The following TMEM132D variants were observed in gnomAD, a reference collection of about 807,000 sequenced individuals.
TMEM132D encodes transmembrane protein 132D.
In TMEM132D, 21 loss-of-function variants were observed where a neutral mutation model predicts 62.3. The ratio of observed to expected loss-of-function variants is 0.34; its 90% CI spans 0.24 to 0.49. The LOEUF is 0.49. Among genes scored for constraint, TMEM132D ranks in the 20% least tolerant of loss-of-function variants. TMEM132D has a pLI of 0.99. For missense variants in TMEM132D, 1,346 were observed against 1,402.8 expected (o/e 0.96, Z 0.65); for synonymous variants, 621 against 575.6 (o/e 1.08, Z -1.13).
At chr12:129,811,395 A>G (rs574246494) in intron 1 of TMEM132D, among the ~76,000 whole-genome samples, 1 of 151,422 alleles carries the variant, frequency 6.6e-6, no homozygotes, top group Non-Finnish European at 1.5e-5. Context: ...TCACTACCCA[A>G]TGCTTGAAGT....
At chr12:129,123,746 C>T (rs1876131863) in intron 5 of TMEM132D, among the ~76,000 whole-genome samples, 1 of 152,176 alleles carries the variant, frequency 6.6e-6, no homozygotes, top group Admixed American at 6.5e-5. Context: ...GGGCCTCATC[C>T]AGTCTGTTGG....
rs766484835 is a variant in TMEM132D at position 129,074,189 on chromosome 12, C to T, written c.2986G>A (p.Asp996Asn). The T allele has an allele frequency of 2.5e-6, 4 of 1,613,842 alleles. No homozygotes were observed. The Admixed American group carries it at 6.7e-5, about 27-fold the overall frequency. The part of the protein sequence containing the change: ...EQITAIDRGM[D>N]FEESKYLLST... Reference sequence around the variant, plus strand: ...AGGAGATATTTACTTTCCTCGAAATCCATGCCCCTGTCAATGGCAGTGATT... The same window carrying T: ...AGGAGATATTTACTTTCCTCGAAATTCATGCCCCTGTCAATGGCAGTGATT... The change falls in exon 9 of 9, where the codon GAT (aspartate) becomes AAT (asparagine). Residue 996 changes from aspartate to asparagine, a missense_variant. Asp to Asn is a conservative substitution (Grantham distance 23). Coordinates refer to ENST00000422113, the MANE Select transcript of TMEM132D (RefSeq NM_133448.3).
chr12:129,360,098 A>T (rs543360030), intron 3 of TMEM132D, among the ~76,000 whole-genome samples: 2 of 152,224 alleles, frequency 1.3e-5, no homozygotes, highest in East Asian at 3.9e-4. Context: ...ACAATTCTTC[A>T]TGATATGAAA....
At chr12:129,901,102 T>A (rs922214390) in intron 1 of TMEM132D, among the ~76,000 whole-genome samples, 3 of 152,216 alleles carry the variant, frequency 2.0e-5, no homozygotes, top group African/African-American at 4.8e-5. Context: ...TGGAAACAGA[T>A]ATTTAATACT....
chr12:129,619,107 T>C (rs1286774426), intron 2 of TMEM132D, among the ~76,000 whole-genome samples: 2 of 152,194 alleles, frequency 1.3e-5, no homozygotes, highest in Non-Finnish European at 2.9e-5. Context: ...ATGTTTCTTA[T>C]CAGACTTAAG....
intron 4 of TMEM132D, among the ~76,000 whole-genome samples, chr12:129,244,615 G>A (rs927642928): frequency 6.6e-6 from 1 of 151,386 alleles, no homozygotes; most frequent in Non-Finnish European, 1.5e-5. Context: ...ATGTTTGTTT[G>A]TTTTTTGTTT....
intron 3 of TMEM132D, among the ~76,000 whole-genome samples, chr12:129,475,483 G>A (rs1451057430): frequency 2.0e-5 from 3 of 152,206 alleles, no homozygotes; most frequent in Non-Finnish European, 4.4e-5. Context: ...AGAAAATAAA[G>A]GAGTCAGGTC....
At chr12:129,599,502 T>C (rs558625641) in intron 2 of TMEM132D, among the ~76,000 whole-genome samples, 1 of 152,348 alleles carries the variant, frequency 6.6e-6, no homozygotes, top group Non-Finnish European at 1.5e-5. Flanking sequence ...TCAGAATTTA[T>C]AATTGCTTTG....
At chr12:129,643,295 C>T (rs1879689708) in intron 2 of TMEM132D, among the ~76,000 whole-genome samples, 2 of 152,128 alleles carry the variant, frequency 1.3e-5, no homozygotes, top group South Asian at 4.1e-4. Flanking sequence ...GTGGCCCCAT[C>T]TAAAATCATG....
chr12:129,728,946 T>G (rs1869127877), intron 1 of TMEM132D, among the ~76,000 whole-genome samples: 1 of 152,212 alleles, frequency 6.6e-6, no homozygotes, highest in Non-Finnish European at 1.5e-5. Context: ...CCAAAGCTTG[T>G]TTTATCTGAC....
rs1216715076 is a variant in TMEM132D, at chr12:129,209,600, C to A, written c.1363G>T (p.Val455Phe). The A allele has an allele frequency of 1.2e-6, 2 of 1,614,086 alleles. No individual in the cohort carries two copies. Among genetic ancestry groups the A allele is most frequent in the Non-Finnish European group, 8.5e-7 (1 of 1,180,036 alleles). The change falls in exon 5 of 9, where the codon GTC (valine) becomes TTC (phenylalanine). Residue 455 changes from valine (V) to phenylalanine (F), a missense_variant. By Grantham distance (50) the Val-to-Phe change is conservative (BLOSUM62 -1). Coordinates refer to ENST00000422113, the MANE Select transcript of TMEM132D (RefSeq NM_133448.3). ...GKTVAVPVKV[V>F]SVEDDGTVTE... is the part of the protein sequence containing the mutation. ...ACTGTGCCGTCGTCCTCCACGGAGA[C>A]CACTTTCACCGGGACGGCCACCGTC...
chr12:129,726,061 G>A (rs1266171203), intron 1 of TMEM132D, among the ~76,000 whole-genome samples: 3 of 152,184 alleles, frequency 2.0e-5, no homozygotes, highest in South Asian at 4.1e-4. Context: ...CCTCTGATGA[G>A]CTTCCCTGAT....
intron 3 of TMEM132D, among the ~76,000 whole-genome samples, chr12:129,505,069 T>C (rs1043484909): frequency 2.6e-5 from 4 of 152,224 alleles, no homozygotes; most frequent in African/African-American, 9.7e-5. Flanking sequence ...CACTGTGGTC[T>C]GAGAGAGTGA....
At chr12:129,515,413 T>C (rs1875644200) in intron 3 of TMEM132D, among the ~76,000 whole-genome samples, 1 of 152,210 alleles carries the variant, frequency 6.6e-6, no homozygotes, top group African/African-American at 2.4e-5. Context: ...CCAATGTGAT[T>C]GAAAGTTGAC....
At chr12:129,211,655 T>C (rs991418260) in intron 4 of TMEM132D, among the ~76,000 whole-genome samples, 6 of 152,222 alleles carry the variant, frequency 3.9e-5, no homozygotes, top group Non-Finnish European at 8.8e-5. Context: ...GCAATACATA[T>C]ATTATTCATT....
intron 5 of TMEM132D, among the ~76,000 whole-genome samples, chr12:129,157,878 T>C (rs1192011449): frequency 6.6e-6 from 1 of 152,194 alleles, no homozygotes; most frequent in Non-Finnish European, 1.5e-5. Flanking sequence ...TATTCTCTAT[T>C]AGGGAGTGAA....
intron 5 of TMEM132D, among the ~76,000 whole-genome samples, chr12:129,124,677 T>G (rs1169341568): frequency 6.6e-6 from 1 of 152,214 alleles, no homozygotes; most frequent in African/African-American, 2.4e-5. Context: ...TGGGTAGTAT[T>G]TCATTGAATG....
intron 5 of TMEM132D, among the ~76,000 whole-genome samples, chr12:129,147,253 TATATACATATGTGCA>T (rs1876930447): frequency 6.6e-6 from 1 of 150,906 alleles, no homozygotes; most frequent in Non-Finnish European, 1.5e-5. Flanking sequence ...TGTTTATGTA[TATATACATATGTGCA>T]TATGTATATA....
chr12:129,165,084 C>A (rs116590242), intron 5 of TMEM132D, among the ~76,000 whole-genome samples: 5 of 152,284 alleles, frequency 3.3e-5, no homozygotes, highest in African/African-American at 1.2e-4. Context: ...GAGAGAATCT[C>A]AAAAATATGG....
Sources: allele counts gnomAD v4.1 joint callset (sites outside exome capture counted in the v4.1 genomes callset), GRCh38; gene constraint gnomAD v4.1.1; transcripts MANE v1.5; gene names NCBI Gene and HGNC (gene_info 2026-07-23, HGNC 2026-07-21).